Variants in IAH1 observed in about 807,000 individuals in gnomAD.
The protein encoded by IAH1 is isoamyl acetate hydrolyzing esterase 1 (putative).
A neutral mutation model predicts 26.7 loss-of-function variants in IAH1; 24 were observed. That is an observed-to-expected ratio of 0.90 (90% confidence interval 0.65 to 1.26). The LOEUF is 1.26. Among genes scored for constraint, IAH1 ranks in the 50% most tolerant of loss-of-function variants. The pLI is 0.00. For synonymous variants in IAH1, 140 were observed against 118.5 expected, an observed-to-expected ratio of 1.18 and a Z score of -1.18; for missense variants, 300 against 299.9, an observed-to-expected ratio of 1.00 and a Z score of 0.00.
downstream of IAH1, chr2:9,493,122 G>T: frequency 4.4e-6 from 3 of 682,156 alleles, no homozygotes; most frequent in South Asian, 4.2e-5. Context: ...GAATGTCTGT[G>T]CTGCCTGTAT....
Position 9,488,564 on chromosome 2 carries a change from A to G in IAH1, c.*235A>G, listed in dbSNP as rs1052220677. 1.7e-5 allele frequency: 6 copies of G among 350,982 alleles called. No individual in the cohort carries two copies. Among genetic ancestry groups the G allele is most frequent in the Admixed American group, 4.5e-5 (1 of 22,084 alleles). 21.7% of individuals were successfully genotyped at this position (350,982 alleles called of 1,614,324 possible). ...ATACCCTGAGCAGCTTGTTAATTCTATAAATGACAAAGACTATGTTTTTAA... is the reference window on the plus strand; with the variant it reads ...ATACCCTGAGCAGCTTGTTAATTCTGTAAATGACAAAGACTATGTTTTTAA... On this transcript the variant is annotated 3_prime_UTR_variant, in exon 6 of 6. Coordinates refer to ENST00000497473, the MANE Select transcript of IAH1 (RefSeq NM_001039613.3).
rs563636372 is a variant in IAH1, at chr2:9,474,660, C to G, written c.81+13C>G. The G allele has an allele frequency of 7.2e-6, 11 of 1,535,286 alleles. No homozygotes were observed. In the Admixed American group the frequency reaches 1.8e-4, roughly 25 times the overall value. On this transcript the variant is annotated intron_variant, in intron 1 of 5. Transcript: ENST00000497473. This position sits in a 1 kb window ranked among gnomAD's most constrained non-coding sequence, Gnocchi z 4.3. ...CTCCATCACCCAGGTACGGCCGCCC[C>G]GACGCTCGGCCTCCCGCCCCGGCCT...
In IAH1 at chr2:9,474,579, G is replaced by T. The variant is rs770978412; in HGVS notation, c.13G>T (p.Glu5Ter). 7 of 1,532,792 alleles carry T rather than the reference G, an allele frequency of 4.6e-6. No individual in the cohort carries two copies. Among genetic ancestry groups the T allele is most frequent in the Non-Finnish European group, 4.4e-6 (5 of 1,146,190 alleles). 94.9% of individuals were successfully genotyped at this position (1,532,792 alleles called of 1,614,324 possible). Residue 5 changes from glutamate to a stop codon, truncating the protein, a stop_gained, in exon 1 of 6, where the codon GAG becomes TAG. Coordinates refer to ENST00000497473, the MANE Select transcript of IAH1 (RefSeq NM_001039613.3). LOFTEE classifies it high-confidence loss of function. This position sits in a 1 kb window ranked among gnomAD's most constrained non-coding sequence, Gnocchi z 4.3. ...GCCCGGCTGCTCCATGGCGCTGTGC[G>T]AGGCCGCGGGCTGCGGGAGTGCCCT... MALC[E>*]AAGCGSALLW... is the part of the protein sequence containing the mutation.
intron 4 of IAH1, among the ~76,000 whole-genome samples, chr2:9,481,678 C>T (rs1321824618): frequency 6.6e-6 from 1 of 152,142 alleles, no homozygotes. Context: ...GAGGGAACCG[C>T]GGGCCTGGCA....
At chr2:9,511,538 A>C in the IAH1 span, among the ~76,000 whole-genome samples, 1 of 152,180 alleles carries the variant, frequency 6.6e-6, no homozygotes, top group South Asian at 2.1e-4. Flanking sequence ...AACAATCTTA[A>C]TGACCTAGAG....
chr2:9,495,250 A>G (rs1298638780), intron 6 of IAH1, among the ~76,000 whole-genome samples: 4 of 152,242 alleles, frequency 2.6e-5, no homozygotes, highest in Admixed American at 6.5e-5. Context: ...CCCTGCAGCC[A>G]AAGCTCCACA....
At chr2:9,499,733 G>GAT (rs1174694981), downstream of IAH1, among the ~76,000 whole-genome samples, 3 of 152,118 alleles carry the variant, frequency 2.0e-5, no homozygotes, top group Admixed American at 1.3e-4. Flanking sequence ...AAAGTAATGT[G>GAT]ATAGTGACAG....
downstream of IAH1, chr2:9,489,959 G>C (rs1484684465): frequency 2.1e-6 from 1 of 470,658 alleles, no homozygotes; most frequent in African/African-American, 1.9e-5. Context: ...ACTAAAACCT[G>C]AAAGCCTCAA....
chr2:9,484,358 G>C, intron 4 of IAH1, 74 bp from the exon 5 acceptor site: 1 of 1,124,420 alleles, frequency 8.9e-7, no homozygotes, highest in Admixed American at 1.7e-5. Context: ...CTGTCTAGAT[G>C]AGTGGAGCAG....
chr2:9,488,146 G>A lies in IAH1; in HGVS notation c.565-1G>A, dbSNP rs1661730570. The A allele has an allele frequency of 1.9e-6, 3 of 1,598,940 alleles. No homozygotes were observed. On this transcript the variant is annotated splice_acceptor_variant, in intron 5 of 5. Coordinates refer to ENST00000497473, the MANE Select transcript of IAH1 (RefSeq NM_001039613.3). LOFTEE classifies it high-confidence loss of function. ...CTTTAACCGATTTCTCTCCCTTCTA[G>A]GACTTCTCATCTTATTTATCAGATG... is the stretch of plus-strand genomic sequence containing the variant.
chr2:9,509,599 G>A, the IAH1 span, among the ~76,000 whole-genome samples: 9 of 152,164 alleles, frequency 5.9e-5, no homozygotes, highest in South Asian at 2.1e-4. Flanking sequence ...TAATAAAAAC[G>A]TGTAAACTGT....
chr2:9,503,159 G>GA, the IAH1 span, among the ~76,000 whole-genome samples: 950 of 139,270 alleles, frequency 6.8e-3, 4 homozygotes, highest in African/African-American at 0.022. Flanking sequence ...AAAAGACAAG[G>GA]AAAAAAAAAA....
chr2:9,511,160 A>G, the IAH1 span, among the ~76,000 whole-genome samples: 1 of 152,188 alleles, frequency 6.6e-6, no homozygotes, highest in African/African-American at 2.4e-5. Context: ...GGTAAAAAAA[A>G]CAGTACGGAT....
downstream of IAH1, chr2:9,493,895 A>T: frequency 7.5e-7 from 1 of 1,332,394 alleles, no homozygotes; most frequent in Non-Finnish European, 1.1e-6. Flanking sequence ...GTAGCTTTAT[A>T]AAAATAACTG....
intron 1 of IAH1, chr2:9,475,656 A>T: frequency 2.9e-6 from 1 of 342,020 alleles, no homozygotes; most frequent in Non-Finnish European, 5.5e-6. Context: ...GTGCGCCACC[A>T]CACCGGGCTA....
chr2:9,506,400 C>T, the IAH1 span, among the ~76,000 whole-genome samples: 1 of 118,242 alleles, frequency 8.5e-6, no homozygotes, highest in African/African-American at 3.3e-5. Flanking sequence ...TGGAGTCTTG[C>T]TCTGTCACCA....
chr2:9,497,188 A>G, downstream of IAH1: 1 of 1,614,218 alleles, frequency 6.2e-7, no homozygotes, highest in Non-Finnish European at 8.5e-7. Flanking sequence ...ACACTTGCCA[A>G]GATCCAAGCA....
downstream of IAH1, chr2:9,490,046 G>C: frequency 1.2e-6 from 1 of 831,342 alleles, no homozygotes; most frequent in Non-Finnish European, 1.8e-6. Context: ...TTACCTGCAG[G>C]AAGTTCAAAC....
downstream of IAH1, chr2:9,493,077 G>T: frequency 9.5e-7 from 1 of 1,057,658 alleles, no homozygotes; most frequent in Non-Finnish European, 1.4e-6. Context: ...TGTGTCAAAT[G>T]CCAGAGCTGC....
Sources: gnomAD v4.1 joint callset for allele counts (sites outside exome capture counted in the v4.1 genomes callset) on GRCh38, gnomAD v4.1.1 for gene constraint, Gnocchi (gnomAD v3.1) non-coding constraint, MANE v1.5 for transcripts, NCBI Gene and HGNC (gene_info 2026-07-23, HGNC 2026-07-21) for gene names.